Variants in SCP2 observed in about 807,000 individuals in gnomAD.
The protein encoded by SCP2 is sterol carrier protein 2, also known as SCP-2/3-oxoacyl-CoA thiolase.
Under a neutral mutation model 71.4 loss-of-function variants are expected in SCP2, and 48 were observed. The ratio of observed to expected loss-of-function variants is 0.67; its 90% confidence interval spans 0.53 to 0.86. SCP2 has a LOEUF of 0.86. Among genes scored for constraint, SCP2 ranks in the 40% least tolerant of loss-of-function variants. SCP2 has a pLI of 0.00. For missense variants in SCP2, 560 were observed against 655.6 expected, an observed-to-expected ratio of 0.85 and a Z score of 1.59; for synonymous variants, 220 against 218.1, an observed-to-expected ratio of 1.01 and a Z score of -0.08.
intron 10 of SCP2, among the ~76,000 whole-genome samples, chr1:52,987,081 T>C (rs1048567251): frequency 1.3e-5 from 2 of 150,684 alleles, no homozygotes; most frequent in African/African-American, 4.9e-5. Flanking sequence ...TGGCTAATTT[T>C]TGTATTTTTA....
intron 10 of SCP2, among the ~76,000 whole-genome samples, chr1:52,982,366 C>A (rs888044836): frequency 6.6e-6 from 1 of 152,098 alleles, no homozygotes; most frequent in East Asian, 1.9e-4. Flanking sequence ...GTCAGGAGAT[C>A]GAGACCATCC....
chr1:53,003,442 A>T (rs1473994120), intron 11 of SCP2, among the ~76,000 whole-genome samples: 2 of 151,998 alleles, frequency 1.3e-5, no homozygotes, highest in Non-Finnish European at 2.9e-5. Context: ...CTGGTCTCGA[A>T]CTCCTGGGAT....
intron 11 of SCP2, chr1:52,993,485 C>G: frequency 6.2e-7 from 1 of 1,613,436 alleles, no homozygotes; most frequent in Non-Finnish European, 8.5e-7. Context: ...GAGAATCTGT[C>G]TTTGAAACTT....
intron 10 of SCP2, 139 bp downstream of exon 10, chr1:52,980,682 G>A: frequency 1.2e-6 from 1 of 851,254 alleles, no homozygotes; most frequent in South Asian, 1.5e-5. Context: ...AATGTAAGCT[G>A]TTTTGGTAGT....
intron 13 of SCP2, among the ~76,000 whole-genome samples, chr1:53,029,425 A>T (rs1662370228): frequency 6.6e-6 from 1 of 152,074 alleles, no homozygotes. Context: ...CTCTGCCTGG[A>T]TGTATTTCAT....
At chr1:53,022,338 T>G (rs145786738) in intron 12 of SCP2, among the ~76,000 whole-genome samples, 220 of 152,324 alleles carry the variant, frequency 1.4e-3, no homozygotes, top group Middle Eastern at 3.4e-3. Flanking sequence ...GGTTCCCATT[T>G]CTCCACATTC....
intron 1 of SCP2, among the ~76,000 whole-genome samples, chr1:52,939,152 A>G (rs1653987087): frequency 6.6e-6 from 1 of 152,206 alleles, no homozygotes; most frequent in South Asian, 2.1e-4. Context: ...AGCACTGAAT[A>G]ATATTCCATT....
At chr1:52,961,657 C>T in intron 6 of SCP2, 28 bp downstream of exon 6, 1 of 1,595,420 alleles carries the variant, frequency 6.3e-7, no homozygotes, top group Non-Finnish European at 8.6e-7. Flanking sequence ...AACTTTGAGG[C>T]TTCTTACTAG....
intron 10 of SCP2, among the ~76,000 whole-genome samples, chr1:52,984,599 G>A (rs903037199): frequency 5.3e-5 from 8 of 150,700 alleles, no homozygotes; most frequent in South Asian, 2.1e-4. Context: ...GTGCAGTGGC[G>A]CTATCTCAGC....
At chr1:52,998,990 C>G (rs1222446949) in intron 11 of SCP2, among the ~76,000 whole-genome samples, 1 of 151,914 alleles carries the variant, frequency 6.6e-6, no homozygotes, top group African/African-American at 2.4e-5. Flanking sequence ...CTGCAGTATC[C>G]TTTGATAACC....
At chr1:53,035,981 C>T (rs1662905224) in intron 13 of SCP2, among the ~76,000 whole-genome samples, 1 of 142,658 alleles carries the variant, frequency 7.0e-6, no homozygotes, top group African/African-American at 2.7e-5. Flanking sequence ...GATCAGGCCA[C>T]TGCACTCCAG....
rs567133719 is a variant in SCP2 at position 52,990,090 on chromosome 1, G to T, written c.1081+1954G>T. Reference sequence around the variant, plus strand: ...CATCTCTGTCCAGTCAGTAGCTGAGGGAAGAGAAAATTCAGTGGCCATGTG... The same window carrying T: ...CATCTCTGTCCAGTCAGTAGCTGAGTGAAGAGAAAATTCAGTGGCCATGTG... On this transcript the variant is annotated intron_variant, in intron 11 of 15. Coordinates refer to ENST00000371514, the MANE Select transcript of SCP2 (RefSeq NM_002979.5). Among the ~76,000 whole-genome samples, 6 of 152,274 alleles carry T rather than the reference G, an allele frequency of 3.9e-5. No individual in the cohort carries two copies. The East Asian group carries it at 1.2e-3, about 29-fold the overall frequency.
chr1:53,014,013 A>G (rs1384197175), intron 11 of SCP2, among the ~76,000 whole-genome samples: 1 of 143,734 alleles, frequency 7.0e-6, no homozygotes, highest in Non-Finnish European at 1.5e-5. Flanking sequence ...CTCCTGCCTC[A>G]GCCTCCCTAG....
intron 1 of SCP2, among the ~76,000 whole-genome samples, chr1:52,941,186 C>T (rs1654204087): frequency 1.3e-5 from 2 of 152,130 alleles, no homozygotes; most frequent in South Asian, 4.1e-4. Context: ...ACTTTGCTAA[C>T]TGCTACTCAT....
intron 3 of SCP2, among the ~76,000 whole-genome samples, chr1:52,948,960 TG>T (rs1262797428): frequency 1.1e-4 from 17 of 151,580 alleles, no homozygotes; most frequent in African/African-American, 3.4e-4. Flanking sequence ...TTTTTTTTTT[TG>T]TTTTTGGCAA....
chr1:53,020,244 A>G (rs1661626999), intron 12 of SCP2, among the ~76,000 whole-genome samples: 2 of 151,318 alleles, frequency 1.3e-5, no homozygotes, highest in East Asian at 1.9e-4. Flanking sequence ...TGATCACACT[A>G]CTGGCTTTGA....
At chr1:52,951,519 T>C (rs928973337) in intron 4 of SCP2, among the ~76,000 whole-genome samples, 2 of 134,736 alleles carry the variant, frequency 1.5e-5, no homozygotes, top group African/African-American at 5.8e-5. Context: ...ATCATACCAC[T>C]GCACTCTAGC....
At chr1:53,040,548 A>G (rs904882796) in intron 14 of SCP2, among the ~76,000 whole-genome samples, 4 of 152,034 alleles carry the variant, frequency 2.6e-5, no homozygotes, top group Non-Finnish European at 1.5e-5. Context: ...GTGAAACCCC[A>G]TCTCTACTAA....
intron 12 of SCP2, among the ~76,000 whole-genome samples, chr1:53,017,824 A>T (rs1200508039): frequency 1.3e-5 from 2 of 152,284 alleles, no homozygotes; most frequent in South Asian, 4.1e-4. Context: ...GAGTAGTAGC[A>T]TTGCAGGTGA....
Sources: allele counts gnomAD v4.1 joint callset (sites outside exome capture counted in the v4.1 genomes callset), GRCh38; gene constraint gnomAD v4.1.1; transcripts MANE v1.5; gene names NCBI Gene and HGNC (gene_info 2026-07-23, HGNC 2026-07-21).